The following CWH43 variants were observed in gnomAD, a reference collection of about 807,000 sequenced individuals.
The protein encoded by CWH43 is PGAP2-interacting protein.
In CWH43, 91 loss-of-function variants were observed where a neutral mutation model predicts 85.7. That is an observed-to-expected ratio of 1.06 (90% CI 0.90 to 1.26). CWH43 has a LOEUF of 1.26. CWH43 is among the 50% of genes most tolerant of loss of function. The probability of loss-of-function intolerance (pLI) is 0.00; values close to 1 mark genes in which losing one functional copy is unlikely to be tolerated. For synonymous variants in CWH43, 323 were observed against 293.6 expected, an observed-to-expected ratio of 1.10 and a Z score of -1.02; for missense variants, 869 against 839.2, an observed-to-expected ratio of 1.04 and a Z score of -0.44.
At chr4:49,061,248 C>A (rs1785148213) in intron 15 of CWH43, among the ~76,000 whole-genome samples, 1 of 152,144 alleles carries the variant, frequency 6.6e-6, no homozygotes, top group Non-Finnish European at 1.5e-5. Context: ...ACAAAGGAAG[C>A]AGGTCTCCTG....
chr4:49,003,890 A>T lies in CWH43; in HGVS notation c.958A>T (p.Met320Leu). 1 of 1,614,008 alleles carries T rather than the reference A, an allele frequency of 6.2e-7. No homozygotes were observed. The highest frequency in any genetic ancestry group is 8.5e-7 in the Non-Finnish European group (1 of 1,179,914). Reference protein sequence around the residue: ...TNPGKTMTIAMIFYLLEIFFC... With the variant: ...TNPGKTMTIALIFYLLEIFFC... ...CCCTGGGAAAACCATGACCATTGCC[A>T]TGATATTTTATCTTCTAGAAATATT... Residue 320 changes from methionine (M) to leucine (L), a missense_variant, in exon 7 of 16, where the codon ATG becomes TTG. Transcript: ENST00000226432.
At chr4:49,015,397 G>A (rs1783514947) in intron 8 of CWH43, among the ~76,000 whole-genome samples, 1 of 151,718 alleles carries the variant, frequency 6.6e-6, no homozygotes, top group Non-Finnish European at 1.5e-5. Context: ...GTCTTCTGCT[G>A]TTGAGAAGTC....
In CWH43 at chr4:48,988,532, T is replaced by C; in HGVS notation, c.99T>C (p.Pro33=). Residue 33 remains proline, a synonymous_variant, in exon 2 of 16, where the codon CCT becomes CCC. Transcript: ENST00000226432. ...HDLGPMIYYF[P]LQTLELTGLE... is the part of the protein sequence containing the mutation. The stretch of plus-strand genomic sequence containing the variant: ...TGGGACCGATGATCTATTACTTTCC[T>C]TTGCAAACACTAGAACTCACTGGGC... The C allele has an allele frequency of 6.2e-7, 1 of 1,613,472 alleles. No individual in the cohort carries two copies. The highest frequency in any genetic ancestry group is 8.5e-7 in the Non-Finnish European group (1 of 1,179,728).
At chr4:48,988,381 T>A in intron 1 of CWH43, 96 bp from the exon 2 acceptor site, 1 of 901,308 alleles carries the variant, frequency 1.1e-6, no homozygotes, top group Non-Finnish European at 1.6e-6. Flanking sequence ...TGAAGAAGAA[T>A]GACCAGCCCA....
In CWH43 at chr4:48,991,540, G is replaced by A; in HGVS notation, c.322G>A (p.Ala108Thr). ...LGVSSSLIVQ[A>T]VTWWSGSHLQ... ...GGTGTCTTCCTCACTGATAGTGCAA[G>A]CTGTGACTTGGTGGTCAGGAAGTCA... The change falls in exon 3 of 16, where the codon GCT (alanine) becomes ACT (threonine). Residue 108 changes from alanine to threonine, a missense_variant. Physicochemically the swap from Ala to Thr is moderately conservative, Grantham distance 58. Coordinates refer to ENST00000226432, the MANE Select transcript of CWH43 (RefSeq NM_025087.3). The A allele has an allele frequency of 6.2e-7, 1 of 1,614,088 alleles. No individual in the cohort carries two copies. The highest frequency in any genetic ancestry group is 8.5e-7 in the Non-Finnish European group (1 of 1,179,988).
chr4:49,050,623 T>C, intron 14 of CWH43, 71 bp from the exon 15 acceptor site: 1 of 1,197,392 alleles, frequency 8.4e-7, no homozygotes, highest in South Asian at 1.6e-5. Context: ...AACAAAGGGG[T>C]ATCACTTGGA....
chr4:49,004,357 G>GTAAA (rs1294301388), intron 7 of CWH43, among the ~76,000 whole-genome samples: 8 of 152,178 alleles, frequency 5.3e-5, no homozygotes, highest in African/African-American at 1.9e-4. Context: ...TGGTTGGCTC[G>GTAAA]TAAATATACA....
At position 48,992,127 on chromosome 4, in the gene CWH43, C is replaced by A; in HGVS notation, c.511+37C>A. ...ACTTAGGAATTTTCTCTTTGCAGAGCTTACCTTTCCTATGTGAATGTTGCA... is the reference window on the plus strand; with the variant it reads ...ACTTAGGAATTTTCTCTTTGCAGAGATTACCTTTCCTATGTGAATGTTGCA... On this transcript the variant is annotated intron_variant, in intron 4 of 15. Transcript: ENST00000226432. This position sits in a 1 kb window ranked among gnomAD's most constrained non-coding sequence, Gnocchi z 4.3. 1.3e-6 allele frequency: 2 copies of A among 1,531,040 alleles called. No individual in the cohort carries two copies. Among genetic ancestry groups the A allele is most frequent in the Non-Finnish European group, 1.8e-6 (2 of 1,113,860 alleles). 94.8% of individuals were successfully genotyped at this position (1,531,040 alleles called of 1,614,324 possible).
intron 12 of CWH43, among the ~76,000 whole-genome samples, chr4:49,033,204 A>G (rs535300690): frequency 1.4e-4 from 21 of 152,326 alleles, no homozygotes; most frequent in African/African-American, 4.6e-4. Flanking sequence ...ACTGCTACAA[A>G]TGGAAGTACT....
chr4:49,016,890 G>A (rs931110888), intron 8 of CWH43: 36 of 785,014 alleles, frequency 4.6e-5, no homozygotes, highest in African/African-American at 4.4e-4. Flanking sequence ...GACTACCCAC[G>A]TAGCTCTGCA....
chr4:49,061,270 A>G (rs1785149041), intron 15 of CWH43, among the ~76,000 whole-genome samples: 1 of 152,162 alleles, frequency 6.6e-6, no homozygotes, highest in Admixed American at 6.5e-5. Flanking sequence ...CTCTTACATT[A>G]TAGAGGTTAG....
chr4:49,032,073 C>A (rs559997859), intron 11 of CWH43, among the ~76,000 whole-genome samples: 7 of 152,162 alleles, frequency 4.6e-5, no homozygotes, highest in African/African-American at 1.7e-4. Flanking sequence ...ACAGAGAATG[C>A]GTCTAGCTAT....
intron 8 of CWH43, 169 bp from the exon 9 acceptor site, chr4:49,017,080 A>G: frequency 5.4e-6 from 4 of 739,700 alleles, no homozygotes; most frequent in Non-Finnish European, 7.4e-6. Context: ...TTCAGTGTCA[A>G]TGAGCTCCCC....
intron 13 of CWH43, among the ~76,000 whole-genome samples, chr4:49,043,239 T>C (rs1319571005): frequency 1.3e-5 from 2 of 152,180 alleles, no homozygotes; most frequent in Non-Finnish European, 2.9e-5. Flanking sequence ...ACATGACATA[T>C]ATTATGTGTG....
intron 14 of CWH43, among the ~76,000 whole-genome samples, chr4:49,046,642 C>T (rs535260984): frequency 1.3e-5 from 2 of 151,896 alleles, no homozygotes; most frequent in East Asian, 3.9e-4. Flanking sequence ...AAGGAGGGAC[C>T]CCACCTGTGC....
intron 6 of CWH43, among the ~76,000 whole-genome samples, chr4:49,002,048 G>A (rs1783008482): frequency 6.6e-6 from 1 of 152,132 alleles, no homozygotes; most frequent in Non-Finnish European, 1.5e-5. Context: ...GACTTGGCAA[G>A]TTTTCTGCAG....
At chr4:49,037,837 C>A (rs562207566) in intron 12 of CWH43, among the ~76,000 whole-genome samples, 199 bp from the exon 13 acceptor site, 1 of 152,226 alleles carries the variant, frequency 6.6e-6, no homozygotes, top group African/African-American at 2.4e-5. Context: ...TGTTCTTAGC[C>A]AAATGTCTGT....
intron 14 of CWH43, among the ~76,000 whole-genome samples, chr4:49,048,598 G>A (rs1239188370): frequency 6.6e-6 from 1 of 151,900 alleles, no homozygotes; most frequent in African/African-American, 2.4e-5. Flanking sequence ...GCCGATAACT[G>A]CCTTCTTGCC....
chr4:48,991,720 G>C, intron 3 of CWH43, 146 bp downstream of exon 3: 3 of 1,017,874 alleles, frequency 2.9e-6, no homozygotes, highest in East Asian at 5.0e-5. Context: ...CCCAAAACAA[G>C]GACATGAATA....
Sources: gnomAD v4.1 joint callset for allele counts (sites outside exome capture counted in the v4.1 genomes callset) on GRCh38, gnomAD v4.1.1 for gene constraint, Gnocchi (gnomAD v3.1) non-coding constraint, MANE v1.5 for transcripts, NCBI Gene and HGNC (gene_info 2026-07-23, HGNC 2026-07-21) for gene names.